L3MBTL4: variants seen among roughly 807,000 people sequenced by gnomAD.
The protein encoded by L3MBTL4 is L3MBTL histone methyl-lysine binding protein 4.
Under a neutral mutation model 84.5 loss-of-function variants are expected in L3MBTL4, and 70 were observed. The ratio of observed to expected loss-of-function variants is 0.83; its 90% CI spans 0.68 to 1.01. The LOEUF is 1.01. L3MBTL4 is among the 50% of genes least tolerant of loss of function. The pLI is 0.00. For synonymous variants in L3MBTL4, 274 were observed against 259.8 expected (o/e 1.05, Z -0.52); for missense variants, 715 against 754.8 (o/e 0.95, Z 0.62).
intron 12 of L3MBTL4, among the ~76,000 whole-genome samples, chr18:6,196,408 T>A (rs1049811064): frequency 6.6e-6 from 1 of 152,144 alleles, no homozygotes; most frequent in African/African-American, 2.4e-5. Context: ...CTGCCCACCC[T>A]GGCCTCCCAA....
intron 1 of L3MBTL4, among the ~76,000 whole-genome samples, chr18:6,355,135 C>T (rs2053378830): frequency 1.3e-5 from 2 of 152,150 alleles, no homozygotes. Context: ...TTTCCAACAA[C>T]ATGGATAGAA....
intron 15 of L3MBTL4, among the ~76,000 whole-genome samples, chr18:6,087,737 C>A (rs2058305140): frequency 6.6e-6 from 1 of 152,038 alleles, no homozygotes; most frequent in African/African-American, 2.4e-5. Context: ...AGAACTGGTC[C>A]AACTGCAAGA....
chr18:6,110,251 T>C (rs1048387589), intron 14 of L3MBTL4, among the ~76,000 whole-genome samples: 21 of 152,224 alleles, frequency 1.4e-4, no homozygotes, highest in African/African-American at 4.6e-4. Flanking sequence ...ACCATTATTT[T>C]GGAAATGTCA....
At chr18:6,356,663 T>C (rs1035061647) in intron 1 of L3MBTL4, 2 of 152,024 alleles carry the variant, frequency 1.3e-5, no homozygotes, top group Non-Finnish European at 1.5e-5. Context: ...GTATAAAAGA[T>C]AAAAAATGGA....
At chr18:6,368,912 C>T (rs1568564183) in intron 1 of L3MBTL4, among the ~76,000 whole-genome samples, 1 of 151,948 alleles carries the variant, frequency 6.6e-6, no homozygotes, top group Non-Finnish European at 1.5e-5. Flanking sequence ...TGTGATGGCG[C>T]ACACCTGTAG....
intron 1 of L3MBTL4, among the ~76,000 whole-genome samples, chr18:6,330,753 A>G (rs2051991208): frequency 2.0e-5 from 3 of 152,250 alleles, no homozygotes. Context: ...CTTCTACTAC[A>G]AACACTTTAT....
intron 16 of L3MBTL4, among the ~76,000 whole-genome samples, chr18:5,998,562 C>A (rs145405554): frequency 4.8e-4 from 73 of 152,224 alleles, no homozygotes; most frequent in African/African-American, 1.7e-3. Flanking sequence ...CCCCATTTGG[C>A]AAAAGAGGTC....
intron 3 of L3MBTL4, among the ~76,000 whole-genome samples, chr18:6,309,603 G>C (rs993740836): frequency 1.9e-4 from 29 of 152,176 alleles, no homozygotes; most frequent in Non-Finnish European, 3.4e-4. Flanking sequence ...AGCACTTCTG[G>C]AGTCCAATAA....
intron 14 of L3MBTL4, among the ~76,000 whole-genome samples, chr18:6,101,609 T>C (rs1314472667): frequency 6.6e-6 from 1 of 152,136 alleles, no homozygotes; most frequent in Non-Finnish European, 1.5e-5. Flanking sequence ...AGCCCAATCC[T>C]TACCCTCTCC....
chr18:6,393,947 C>T (rs531098034), intron 1 of L3MBTL4, among the ~76,000 whole-genome samples: 3 of 152,244 alleles, frequency 2.0e-5, no homozygotes, highest in Non-Finnish European at 4.4e-5. Context: ...CCGCTCTCCC[C>T]TTGCTCACAA....
intron 1 of L3MBTL4, among the ~76,000 whole-genome samples, chr18:6,324,900 G>A (rs903857806): frequency 6.6e-6 from 1 of 152,112 alleles, no homozygotes; most frequent in African/African-American, 2.4e-5. Flanking sequence ...CAAAATTTAT[G>A]AAAAGTTGCT....
At chr18:6,284,865 G>A (rs772005980) in intron 4 of L3MBTL4, among the ~76,000 whole-genome samples, 1 of 152,224 alleles carries the variant, frequency 6.6e-6, no homozygotes, top group East Asian at 1.9e-4. Context: ...TCTGCACAGG[G>A]GCCGCCCAGC....
intron 4 of L3MBTL4, among the ~76,000 whole-genome samples, chr18:6,284,579 C>T (rs774380993): frequency 1.2e-4 from 19 of 152,256 alleles, no homozygotes; most frequent in Non-Finnish European, 1.8e-4. Context: ...GACGCACTGG[C>T]CGGCTGCGCA....
chr18:6,378,071 G>C (rs1450841386), intron 1 of L3MBTL4, among the ~76,000 whole-genome samples: 2 of 152,218 alleles, frequency 1.3e-5, no homozygotes, highest in East Asian at 3.9e-4. Context: ...CTGATGACCA[G>C]TGACGATGAG....
At chr18:6,314,803 C>T (rs1321020284) in intron 1 of L3MBTL4, among the ~76,000 whole-genome samples, 1 of 152,150 alleles carries the variant, frequency 6.6e-6, no homozygotes, top group Non-Finnish European at 1.5e-5. Context: ...TTTGGTAATT[C>T]TTTCAAAAAC....
rs780451634 is a variant in L3MBTL4 at position 6,118,650 on chromosome 18, T to C, written c.1199+19544A>G. On this transcript the variant is annotated intron_variant, in intron 14 of 18. Transcript: ENST00000317931. ...TAATTATTTTTATTGAAGATATTAA[T>C]GCAAACTCTTTTACTTTTTCACAAA... Among the ~76,000 whole-genome samples the C allele has an allele frequency of 2.6e-5, 4 of 152,356 alleles. No homozygotes were observed. The East Asian group carries it at 7.7e-4, about 29-fold the overall frequency.
intron 16 of L3MBTL4, among the ~76,000 whole-genome samples, chr18:6,020,937 CAG>C (rs2055221185): frequency 6.6e-6 from 1 of 152,070 alleles, no homozygotes; most frequent in Admixed American, 6.5e-5. Context: ...TGAAATTACT[CAG>C]AGACTGGGAG....
intron 15 of L3MBTL4, among the ~76,000 whole-genome samples, chr18:6,092,907 T>C (rs7245021): frequency 0.9 from 137,776 of 152,288 alleles, 62,586 homozygotes; most frequent in East Asian, 1. Flanking sequence ...AAGAAGAAAT[T>C]ATATCTGAGG....
chr18:6,369,420 C>A (rs1369631461), intron 1 of L3MBTL4, among the ~76,000 whole-genome samples: 1 of 152,164 alleles, frequency 6.6e-6, no homozygotes. Context: ...ATGCACAGGA[C>A]AGCCCCTCAC....
Sources: allele counts gnomAD v4.1 joint callset (sites outside exome capture counted in the v4.1 genomes callset), GRCh38; gene constraint gnomAD v4.1.1; transcripts MANE v1.5; gene names NCBI Gene and HGNC (gene_info 2026-07-23, HGNC 2026-07-21).